The following ALK variants were observed in gnomAD, a reference collection of about 807,000 sequenced individuals.
ALK encodes the protein ALK receptor tyrosine kinase.
In ALK, 74 loss-of-function variants were observed where a neutral mutation model predicts 163.1. That is an observed-to-expected ratio of 0.45 (90% CI 0.38 to 0.55). The LOEUF is 0.55. ALK is among the 20% of genes least tolerant of loss of function. The probability of loss-of-function intolerance (pLI) is 0.00; values close to 1 mark genes in which losing one functional copy is unlikely to be tolerated. For synonymous variants in ALK, 960 were observed against 843.2 expected, an observed-to-expected ratio of 1.14 and a Z score of -2.40; for missense variants, 2,063 against 2,105.3, an observed-to-expected ratio of 0.98 and a Z score of 0.39.
At chr2:29,315,038 A>G (rs2148245307) in intron 8 of ALK, among the ~76,000 whole-genome samples, 1 of 152,332 alleles carries the variant, frequency 6.6e-6, no homozygotes, top group South Asian at 2.1e-4. Flanking sequence ...AAAAATAAAA[A>G]TAAAAATAAC....
chr2:29,469,216 A>T (rs1280064311), intron 4 of ALK, among the ~76,000 whole-genome samples: 1 of 152,194 alleles, frequency 6.6e-6, no homozygotes, highest in African/African-American at 2.4e-5. Context: ...TGAAAAGATG[A>T]GTTTCCAGAA....
rs368770999 is a variant in ALK, at chr2:29,921,336, C to A, written c.-677G>T. On this transcript the variant is annotated 5_prime_UTR_variant, in exon 1 of 29. Transcript: ENST00000389048. ...CAAGTTTGCAGCGTCCTTGCTCTCACCGGCGCCTCGGCTCCTCAGAGTTCG... is the reference window on the plus strand; with the variant it reads ...CAAGTTTGCAGCGTCCTTGCTCTCAACGGCGCCTCGGCTCCTCAGAGTTCG... 4.3e-6 allele frequency: 1 copy of A among 233,116 alleles called. No individual in the cohort carries two copies. Among genetic ancestry groups the A allele is most frequent in the African/African-American group, 2.2e-5 (1 of 45,346 alleles). The allele number at this position is 233,116 out of a possible 1,614,324, so 14.4% of individuals were successfully genotyped here.
In ALK at chr2:29,888,484, G is replaced by A. The variant is rs370488592; in HGVS notation, c.667+31509C>T. Among the ~76,000 whole-genome samples the A allele has an allele frequency of 2.8e-4, 42 of 151,958 alleles. No individual in the cohort carries two copies. In the East Asian group the frequency reaches 5.2e-3, roughly 19 times the overall value. ...AAGGGACTTTTCCCTTTTTCCCATC[G>A]AAACAAGTGCAGATTTTGCCCTGTG... On this transcript the variant is annotated intron_variant, in intron 1 of 28. Transcript: ENST00000389048.
rs577768628 is a variant in ALK, at chr2:29,229,072, G to A, written c.2633-6C>T. The A allele has an allele frequency of 8.1e-6, 13 of 1,613,814 alleles. No homozygotes were observed. The highest frequency in any genetic ancestry group is 1.1e-5 in the Non-Finnish European group (13 of 1,179,854). ...ATTCCAGCCACCTCCACCACCTGCG[G>A]GAAGAGATAGGGAACCTGCGTGAGG... On this transcript the variant is annotated splice_region_variant and splice_polypyrimidine_tract_variant and intron_variant, in intron 15 of 28. Transcript: ENST00000389048.
At chr2:29,683,640 TC>T (rs1277721211) in intron 3 of ALK, among the ~76,000 whole-genome samples, 1 of 152,178 alleles carries the variant, frequency 6.6e-6, no homozygotes, top group Non-Finnish European at 1.5e-5. Context: ...GATTACTGCC[TC>T]AGGTGAGGGC....
At chr2:29,647,348 C>A (rs1187615595) in intron 3 of ALK, among the ~76,000 whole-genome samples, 1 of 152,138 alleles carries the variant, frequency 6.6e-6, no homozygotes, top group Non-Finnish European at 1.5e-5. Flanking sequence ...TATGTCTCTT[C>A]TTCTCCCTGC....
intron 23 of ALK, among the ~76,000 whole-genome samples, 194 bp from the exon 24 acceptor site, chr2:29,214,275 A>G (rs1296327698): frequency 6.6e-6 from 1 of 152,210 alleles, no homozygotes; most frequent in African/African-American, 2.4e-5. Context: ...GCCCCAACCC[A>G]GACCTCTCTG....
Position 29,428,399 on chromosome 2 carries a change from T to C in ALK, c.1155-44540A>G, listed in dbSNP as rs1485418068. ...GACCAAGAATAAAAGAGAAAATACT[T>C]GAATCATTAATATCAGAAATGGAAG... On this transcript the variant is annotated intron_variant, in intron 4 of 28. Coordinates refer to ENST00000389048, the MANE Select transcript of ALK (RefSeq NM_004304.5). 2.6e-5 allele frequency among the ~76,000 whole-genome samples: 4 copies of C among 151,826 alleles called. No individual in the cohort carries two copies. In the East Asian group the frequency reaches 7.7e-4, roughly 29 times the overall value.
intron 1 of ALK, among the ~76,000 whole-genome samples, chr2:29,911,335 T>C (rs1667697268): frequency 6.6e-6 from 1 of 152,150 alleles, no homozygotes; most frequent in Non-Finnish European, 1.5e-5. Flanking sequence ...AACCCTCAAA[T>C]AGAAACCCTG....
intron 4 of ALK, among the ~76,000 whole-genome samples, chr2:29,510,305 G>A (rs1287520476): frequency 6.6e-6 from 1 of 152,176 alleles, no homozygotes. Context: ...GATGGCAGGT[G>A]TTTGCTATTT....
intron 1 of ALK, among the ~76,000 whole-genome samples, chr2:29,730,558 T>C (rs1345318706): frequency 6.6e-6 from 1 of 152,180 alleles, no homozygotes; most frequent in Non-Finnish European, 1.5e-5. Flanking sequence ...CATTTAAGCC[T>C]TTGATCCTCA....
At position 29,504,121 on chromosome 2, in the gene ALK, G is replaced by A. The variant is rs577371319; in HGVS notation, c.1154+27794C>T. Among the ~76,000 whole-genome samples, 573 of 152,236 alleles carry A rather than the reference G, an allele frequency of 3.8e-3. 1 individual carries two copies. Among genetic ancestry groups the A allele is most frequent in the Non-Finnish European group, 5.7e-3 (389 of 68,012 alleles). The stretch of plus-strand genomic sequence containing the variant: ...ACAGATCACAGTGGGAATTCCTGAG[G>A]TGGTGGTTTTCCAGCTGAGCTCCAA... On this transcript the variant is annotated intron_variant, in intron 4 of 28. Transcript: ENST00000389048.
At chr2:29,375,891 C>A (rs1169358176) in intron 5 of ALK, among the ~76,000 whole-genome samples, 1 of 152,142 alleles carries the variant, frequency 6.6e-6, no homozygotes, top group Non-Finnish European at 1.5e-5. Flanking sequence ...CTTGGACAAG[C>A]ACCTCATCCT....
chr2:29,817,281 C>A (rs1664925787), intron 1 of ALK, among the ~76,000 whole-genome samples: 1 of 152,154 alleles, frequency 6.6e-6, no homozygotes, highest in Non-Finnish European at 1.5e-5. Flanking sequence ...TCTTTGATTT[C>A]TCTGTGACAA....
At chr2:29,215,955 A>G (rs1669592442) in intron 23 of ALK, among the ~76,000 whole-genome samples, 1 of 152,138 alleles carries the variant, frequency 6.6e-6, no homozygotes, top group Non-Finnish European at 1.5e-5. Flanking sequence ...GTGCCTCATC[A>G]GGGGACCCGA....
At chr2:29,210,208 C>G (rs563508564) in intron 24 of ALK, among the ~76,000 whole-genome samples, 3 of 152,296 alleles carry the variant, frequency 2.0e-5, no homozygotes, top group Admixed American at 6.5e-5. Context: ...CTAACTCTCA[C>G]AACAACCTTA....
At chr2:29,694,485 C>T (rs77893230) in intron 3 of ALK, among the ~76,000 whole-genome samples, 2 of 152,166 alleles carry the variant, frequency 1.3e-5, no homozygotes, top group African/African-American at 2.4e-5. Context: ...CACACTTGTA[C>T]TAAAAAATCA....
At chr2:29,489,996 TG>T (rs1671863530) in intron 4 of ALK, among the ~76,000 whole-genome samples, 2 of 152,210 alleles carry the variant, frequency 1.3e-5, no homozygotes, top group African/African-American at 4.8e-5. Flanking sequence ...ACCTGGAACA[TG>T]GGGACAGGCT....
chr2:29,334,444 C>T (rs73920787), intron 5 of ALK, among the ~76,000 whole-genome samples: 1,525 of 152,324 alleles, frequency 0.01, 34 homozygotes, highest in African/African-American at 0.034. Flanking sequence ...GGCTGAGAGA[C>T]TGATGGAAAC....
Sources: gnomAD v4.1 joint callset for allele counts (sites outside exome capture counted in the v4.1 genomes callset) on GRCh38, gnomAD v4.1.1 for gene constraint, MANE v1.5 for transcripts, NCBI Gene and HGNC (gene_info 2026-07-23, HGNC 2026-07-21) for gene names.